The following DNAH9 variants were observed in gnomAD, a reference collection of about 807,000 sequenced individuals.
DNAH9 encodes the protein DNAH9 variant protein.
A neutral mutation model predicts 471.6 loss-of-function variants in DNAH9; 345 were observed. The observed-to-expected ratio is 0.73, with a 90% confidence interval of 0.67 to 0.80. DNAH9 has a LOEUF of 0.80. Among genes scored for constraint, DNAH9 ranks in the 30% least tolerant of loss-of-function variants. The probability of loss-of-function intolerance (pLI) is 0.00; values close to 1 mark genes in which losing one functional copy is unlikely to be tolerated. For missense variants in DNAH9, 5,407 were observed against 5,609.2 expected, an observed-to-expected ratio of 0.96 and a Z score of 1.15; for synonymous variants, 2,093 against 2,123.6, an observed-to-expected ratio of 0.99 and a Z score of 0.40.
intron 17 of DNAH9, among the ~76,000 whole-genome samples, chr17:11,678,957 C>G (rs2074090781): frequency 6.6e-6 from 1 of 152,040 alleles, no homozygotes; most frequent in Non-Finnish European, 1.5e-5. Flanking sequence ...AGAAACTGCT[C>G]CACGTATATC....
chr17:11,769,065 T>C, intron 37 of DNAH9, 57 bp from the exon 38 acceptor site: 3 of 1,577,290 alleles, frequency 1.9e-6, no homozygotes. Context: ...ACGCCGCTGG[T>C]GCATCTGTTT....
rs547355764 is a variant in DNAH9 at position 11,679,939 on chromosome 17, A to G, written c.3536A>G (p.Tyr1179Cys). Residue 1179 changes from tyrosine (Y) to cysteine (C), a missense_variant, in exon 18 of 69, where the codon TAT becomes TGT. This residue lies in a region of DNAH9 where 4,636 missense variants were observed against 4,900.3 expected (regional missense o/e 0.95). Transcript: ENST00000262442. ...CAGACTATTGAATTGCTGAAGACCT[A>G]TGAACAAGAATTGCCAGAAACAGTG... Reference protein sequence around the residue: ...LKQTIELLKTYEQELPETVFK... With the variant: ...LKQTIELLKTCEQELPETVFK... 1.1e-5 allele frequency: 17 copies of G among 1,614,126 alleles called. No individual in the cohort carries two copies. The highest frequency in any genetic ancestry group is 1.6e-4 in the Middle Eastern group (1 of 6,062).
rs1339875100 is a variant in DNAH9, at chr17:11,854,118, G to A, written c.9623G>A (p.Trp3208Ter). Residue 3208 changes from tryptophan to a stop codon, truncating the protein, a stop_gained, in exon 50 of 69, where the codon TGG (tryptophan) becomes TAG (stop). Coordinates refer to ENST00000262442, the MANE Select transcript of DNAH9 (RefSeq NM_001372.4). LOFTEE classifies it high-confidence loss of function. ...GGTAGGGTGCCCAAGGACCGGAGCTGGAAGGCTGCTAAGGTCACCATGGCC... is the reference window on the plus strand; with the variant it reads ...GGTAGGGTGCCCAAGGACCGGAGCTAGAAGGCTGCTAAGGTCACCATGGCC... ...PRGRVPKDRS[W>*]KAAKVTMAKV... 1.2e-6 allele frequency: 2 copies of A among 1,614,142 alleles called. No individual in the cohort carries two copies. Among genetic ancestry groups the A allele is most frequent in the South Asian group, 2.2e-5 (2 of 91,074 alleles).
intron 38 of DNAH9, among the ~76,000 whole-genome samples, chr17:11,778,679 C>A (rs561087559): frequency 1.3e-5 from 2 of 151,874 alleles, no homozygotes; most frequent in Non-Finnish European, 2.9e-5. Flanking sequence ...GTGGAGACGG[C>A]GAAAAGAGAT....
chr17:11,900,786 G>C (rs970599691), intron 59 of DNAH9, among the ~76,000 whole-genome samples: 1 of 152,160 alleles, frequency 6.6e-6, no homozygotes, highest in Admixed American at 6.5e-5. Context: ...CACTGTGGTA[G>C]GTGCTTTAGA....
At chr17:11,860,813 G>A (rs983145964) in intron 50 of DNAH9, among the ~76,000 whole-genome samples, 3 of 152,018 alleles carry the variant, frequency 2.0e-5, no homozygotes, top group Non-Finnish European at 4.4e-5. Context: ...TGCCCGCCTC[G>A]GCCTCTCAAA....
At chr17:11,968,145 C>T (rs1182545242) in intron 68 of DNAH9, among the ~76,000 whole-genome samples, 1 of 152,108 alleles carries the variant, frequency 6.6e-6, no homozygotes, top group Admixed American at 6.5e-5. Context: ...TTTGTCAACA[C>T]ACCAAAAACC....
chr17:11,610,420 C>A lies in DNAH9; in HGVS notation c.639C>A (p.Val213=). Residue 213 remains valine, a synonymous_variant, in exon 3 of 69, where the codon GTC becomes GTA. Coordinates refer to ENST00000262442, the MANE Select transcript of DNAH9 (RefSeq NM_001372.4). ...GCTTGGATTCTATAGATAAGTCAGTCATCTATGCCATTGAGTCTGCAGTGA... is the reference window on the plus strand; with the variant it reads ...GCTTGGATTCTATAGATAAGTCAGTAATCTATGCCATTGAGTCTGCAGTGA... ...ETVLDSIDKS[V]IYAIESAVIK... The A allele has an allele frequency of 1.2e-6, 2 of 1,613,194 alleles. No individual in the cohort carries two copies. The highest frequency in any genetic ancestry group is 2.2e-5 in the South Asian group (2 of 90,902).
intron 3 of DNAH9, 47 bp from the exon 4 acceptor site, chr17:11,611,603 C>T (rs1340106057): frequency 1.3e-6 from 2 of 1,596,930 alleles, no homozygotes; most frequent in East Asian, 2.2e-5. Context: ...GTGTGACTTG[C>T]ATTTCCTGAT....
intron 49 of DNAH9, among the ~76,000 whole-genome samples, chr17:11,843,863 GTATATATATA>G (rs61067153): frequency 0.011 from 520 of 46,484 alleles, 26 homozygotes; most frequent in African/African-American, 0.039. Flanking sequence ...GTGTGTGTGT[GTATATATATA>G]TATATATATA....
chr17:11,805,154 C>T (rs1969619725), intron 43 of DNAH9, among the ~76,000 whole-genome samples: 1 of 152,080 alleles, frequency 6.6e-6, no homozygotes, highest in African/African-American at 2.4e-5. Context: ...GCGCACCCCA[C>T]AGGAGACATG....
chr17:11,769,424 G>C (rs1037490732), intron 38 of DNAH9, 95 bp downstream of exon 38: 15 of 1,107,956 alleles, frequency 1.4e-5, no homozygotes, highest in East Asian at 2.6e-5. Context: ...TGCCTGACTT[G>C]AGTTCTGCAT....
intron 45 of DNAH9, among the ~76,000 whole-genome samples, chr17:11,810,572 T>C (rs2150927844): frequency 6.6e-6 from 1 of 152,308 alleles, no homozygotes; most frequent in Non-Finnish European, 1.5e-5. Context: ...TCTTATTTCA[T>C]TGCAAAACAG....
chr17:11,834,316 G>A (rs1260423102), intron 48 of DNAH9, among the ~76,000 whole-genome samples: 1 of 101,554 alleles, frequency 9.8e-6, no homozygotes, highest in Non-Finnish European at 1.8e-5. Context: ...GTGACAGAGT[G>A]AGACTCCGTC....
intron 42 of DNAH9, among the ~76,000 whole-genome samples, chr17:11,794,036 A>AT (rs35741238): frequency 0.046 from 3,750 of 80,876 alleles, 274 homozygotes; most frequent in African/African-American, 0.073. Flanking sequence ...ATTTTGAGCA[A>AT]TTTTTTTTTT....
Position 11,649,976 on chromosome 17 carries a change from G to A in DNAH9, c.2098-1093G>A, listed in dbSNP as rs749529163. Among the ~76,000 whole-genome samples, 8 of 152,096 alleles carry A rather than the reference G, an allele frequency of 5.3e-5. No homozygotes were observed. The South Asian group carries it at 6.2e-4, about 12-fold the overall frequency. ...GCCATTTTATGTTGATATTTTATGC[G>A]CAAAAGTTTTTATGTTTTGTGGTTT... On this transcript the variant is annotated intron_variant, in intron 12 of 68. Transcript: ENST00000262442.
rs779627636 is a variant in DNAH9 at position 11,930,104 on chromosome 17, G to A, written c.12105+11G>A. 22 of 1,608,788 alleles carry A rather than the reference G, an allele frequency of 1.4e-5. No individual in the cohort carries two copies. Among genetic ancestry groups the A allele is most frequent in the East Asian group, 4.5e-5 (2 of 44,814 alleles). ...GACAACTTCACTCAGGTACGGCCCC[G>A]GGAGGGAGGCAAAAACAGCAGCACA... is the stretch of plus-strand genomic sequence containing the variant. On this transcript the variant is annotated intron_variant, in intron 63 of 68. Coordinates refer to ENST00000262442, the MANE Select transcript of DNAH9 (RefSeq NM_001372.4).
At chr17:11,653,755 A>G (rs189608462) in intron 14 of DNAH9, among the ~76,000 whole-genome samples, 88 of 152,316 alleles carry the variant, frequency 5.8e-4, no homozygotes, top group Middle Eastern at 6.8e-3. Context: ...TCCCAATTTT[A>G]TCTTTGAGAG....
At chr17:11,829,314 G>A (rs1269069293) in intron 48 of DNAH9, among the ~76,000 whole-genome samples, 4 of 152,140 alleles carry the variant, frequency 2.6e-5, no homozygotes, top group African/African-American at 9.7e-5. Context: ...AATCTGGCGG[G>A]AGGAGGCTAA....
Sources: allele counts gnomAD v4.1 joint callset (sites outside exome capture counted in the v4.1 genomes callset), GRCh38; gene constraint gnomAD v4.1.1; regional missense constraint gnomAD v4.1.1; transcripts MANE v1.5; gene names NCBI Gene and HGNC (gene_info 2026-07-23, HGNC 2026-07-21).